The following PRMT8 variants were observed in gnomAD, a reference collection of about 807,000 sequenced individuals.
PRMT8 encodes the protein protein arginine N-methyltransferase 8.
In PRMT8, 7 loss-of-function variants were observed where a neutral mutation model predicts 47.1. The observed-to-expected ratio is 0.15, with a 90% CI of 0.08 to 0.28. PRMT8 has a LOEUF of 0.28. Ranked by LOEUF, PRMT8 falls within the 10% of genes least tolerant of loss-of-function variation. PRMT8 has a pLI of 1.00. For missense variants in PRMT8, 237 were observed against 505.4 expected (o/e 0.47, Z 5.09); for synonymous variants, 188 against 186.5 (o/e 1.01, Z -0.07).
chr12:3,449,102 G>A (rs1451788983), intron 1 of PRMT8, among the ~76,000 whole-genome samples: 1 of 152,194 alleles, frequency 6.6e-6, no homozygotes, highest in Non-Finnish European at 1.5e-5. Flanking sequence ...ATTCTGTGGT[G>A]TATATGTACC....
In PRMT8 at chr12:3,540,798, T is replaced by G. The variant is rs150114448; in HGVS notation, c.261+7T>G. The G allele has an allele frequency of 6.0e-4, 963 of 1,612,360 alleles. 3 individuals are homozygous for G. Among genetic ancestry groups the G allele is most frequent in the Middle Eastern group, 2.8e-3 (17 of 6,044 alleles). ...CCACTTTGGGATCCACGAGGTAAAG[T>G]GTCCCGAGTGGGTGGCTAATGGGGC... On this transcript the variant is annotated splice_region_variant and intron_variant, in intron 2 of 9. Coordinates refer to ENST00000382622, the MANE Select transcript of PRMT8 (RefSeq NM_019854.5).
At chr12:3,571,171 C>G (rs1033737760) in intron 6 of PRMT8, among the ~76,000 whole-genome samples, 2 of 152,148 alleles carry the variant, frequency 1.3e-5, no homozygotes, top group Admixed American at 6.5e-5. Context: ...CCCTTTCTGC[C>G]CCTGGCTCTG....
At chr12:3,516,609 A>G (rs1865795207) in intron 1 of PRMT8, among the ~76,000 whole-genome samples, 1 of 152,210 alleles carries the variant, frequency 6.6e-6, no homozygotes. Flanking sequence ...GGTAATCTGG[A>G]GAGGGCATTC....
chr12:3,402,652 GT>G (rs1175452002), intron 1 of PRMT8, among the ~76,000 whole-genome samples: 11 of 152,306 alleles, frequency 7.2e-5, no homozygotes, highest in African/African-American at 2.4e-4. Flanking sequence ...CCATTAAAAA[GT>G]GGGCAAAGAA....
intron 1 of PRMT8, among the ~76,000 whole-genome samples, chr12:3,423,845 G>T (rs1368064083): frequency 6.6e-6 from 1 of 152,128 alleles, no homozygotes; most frequent in Non-Finnish European, 1.5e-5. Flanking sequence ...CATCCTATGG[G>T]GTGAGTGAAT....
chr12:3,457,984 A>G (rs1289764258), intron 1 of PRMT8, among the ~76,000 whole-genome samples: 1 of 151,586 alleles, frequency 6.6e-6, no homozygotes, highest in Non-Finnish European at 1.5e-5. Flanking sequence ...CTGGGACTAT[A>G]GGCATGTGCC....
chr12:3,428,770 TTCTCTCTC>T (rs970933891), intron 1 of PRMT8, among the ~76,000 whole-genome samples: 1 of 148,424 alleles, frequency 6.7e-6, no homozygotes, highest in South Asian at 2.1e-4. Flanking sequence ...GCCTCTCTCT[TTCTCTCTC>T]TCTCTCTTAC....
Position 3,453,441 on chromosome 12 carries a change from G to A in PRMT8, c.48+71999G>A, listed in dbSNP as rs1864941991. 6.6e-6 allele frequency among the ~76,000 whole-genome samples: 1 copy of A among 152,202 alleles called. No homozygotes were observed. ...GAATGCAGATTCCCAGGCCAGCCCT[G>A]CCAAGTCTGAGTGAGTCCCCTGGAG... On this transcript the variant is annotated intron_variant, in intron 1 of 9. Transcript: ENST00000452611. This position sits in a 1 kb window ranked among gnomAD's most constrained non-coding sequence, Gnocchi z 4.9.
intron 2 of PRMT8, among the ~76,000 whole-genome samples, chr12:3,543,081 A>G (rs1866261134): frequency 6.6e-6 from 1 of 152,248 alleles, no homozygotes; most frequent in South Asian, 2.1e-4. Flanking sequence ...GACTTAGAGT[A>G]TAAGACCTGT....
intron 1 of PRMT8, among the ~76,000 whole-genome samples, chr12:3,521,543 C>T (rs913195807): frequency 2.0e-5 from 3 of 152,106 alleles, no homozygotes; most frequent in Non-Finnish European, 4.4e-5. Context: ...CATTGCACTC[C>T]AGCCTGGGCA....
chr12:3,471,549 C>T (rs1865162661), intron 1 of PRMT8, among the ~76,000 whole-genome samples: 1 of 151,726 alleles, frequency 6.6e-6, no homozygotes, highest in Non-Finnish European at 1.5e-5. Context: ...AGCACGATGC[C>T]TCCTCAGTCA....
intron 1 of PRMT8, among the ~76,000 whole-genome samples, chr12:3,473,227 C>T (rs898799327): frequency 6.6e-6 from 1 of 152,150 alleles, no homozygotes; most frequent in African/African-American, 2.4e-5. Context: ...TCCCCTCTCC[C>T]CAAGAACATT....
In PRMT8 at chr12:3,493,548, C is replaced by CGCGCGGGGTA. The variant is rs1186206804; in HGVS notation, c.75+1857_75+1858insAGCGCGGGGT. Among the ~76,000 whole-genome samples the CGCGCGGGGTA allele has an allele frequency of 3.3e-5, 5 of 152,234 alleles. No homozygotes were observed. The highest frequency in any genetic ancestry group is 7.3e-5 in the Non-Finnish European group (5 of 68,040). On this transcript the variant is annotated intron_variant, in intron 1 of 9. Coordinates refer to ENST00000382622, the MANE Select transcript of PRMT8 (RefSeq NM_019854.5). This position sits in a 1 kb window ranked among gnomAD's most constrained non-coding sequence, Gnocchi z 8.2. ...TCCCTTTGCCTCCTACCCCCGCTGC[C>CGCGCGGGGTA]GCGCGGGGTCTGGGTGCAGACCCCT...
chr12:3,542,028 A>G (rs192897330), intron 2 of PRMT8, among the ~76,000 whole-genome samples: 80 of 152,258 alleles, frequency 5.3e-4, no homozygotes, highest in Non-Finnish European at 7.9e-4. Context: ...ATCATGCCAT[A>G]CAGCCCTTAA....
At chr12:3,471,282 G>T (rs1865159947) in intron 1 of PRMT8, among the ~76,000 whole-genome samples, 1 of 152,044 alleles carries the variant, frequency 6.6e-6, no homozygotes, top group East Asian at 1.9e-4. Context: ...GGCTTGCTCT[G>T]CTCCCAGCTC....
intron 1 of PRMT8, among the ~76,000 whole-genome samples, chr12:3,531,864 A>C (rs1866036464): frequency 1.3e-5 from 2 of 152,092 alleles, no homozygotes; most frequent in Admixed American, 1.3e-4. Context: ...GGCTCTGGGA[A>C]TCTTGGTTGG....
At chr12:3,510,543 G>T (rs774968347) in intron 1 of PRMT8, among the ~76,000 whole-genome samples, 5 of 152,086 alleles carry the variant, frequency 3.3e-5, no homozygotes, top group Non-Finnish European at 7.4e-5. Context: ...GTTATGATTT[G>T]TCAATGAAAA....
chr12:3,579,551 C>T (rs570036786), intron 7 of PRMT8, among the ~76,000 whole-genome samples: 2 of 152,094 alleles, frequency 1.3e-5, no homozygotes, highest in Non-Finnish European at 2.9e-5. Context: ...TTCTGTCCCA[C>T]GCTGGTCCCT....
chr12:3,538,789 C>T lies in PRMT8; in HGVS notation c.76-1817C>T, dbSNP rs1435490607. 2 of 516,442 alleles carry T rather than the reference C, an allele frequency of 3.9e-6. No individual in the cohort carries two copies. Among genetic ancestry groups the T allele is most frequent in the Non-Finnish European group, 7.7e-6 (2 of 258,278 alleles). 32.0% of individuals were successfully genotyped at this position (516,442 alleles called of 1,614,324 possible). ...CAGAGACCGTGACCAACATCCCAAG[C>T]TGAGAGTGGGCACACCTGCTGCATT... On this transcript the variant is annotated intron_variant, in intron 1 of 9. Coordinates refer to ENST00000382622, the MANE Select transcript of PRMT8 (RefSeq NM_019854.5). This position sits in a 1 kb window ranked among gnomAD's most constrained non-coding sequence, Gnocchi z 4.6.
Sources: gnomAD v4.1 joint callset for allele counts (sites outside exome capture counted in the v4.1 genomes callset) on GRCh38, gnomAD v4.1.1 for gene constraint, Gnocchi (gnomAD v3.1) non-coding constraint, MANE v1.5 for transcripts, NCBI Gene and HGNC (gene_info 2026-07-23, HGNC 2026-07-21) for gene names.